The following SIL1 variants were observed in gnomAD, a reference collection of about 807,000 sequenced individuals.
The protein encoded by SIL1 is nucleotide exchange factor SIL1.
Under a neutral mutation model 49.1 loss-of-function variants are expected in SIL1, and 40 were observed. That is an observed-to-expected ratio of 0.81 (90% CI 0.63 to 1.06). The LOEUF (loss-of-function observed/expected upper bound fraction) is 1.06, where lower values mean the gene tolerates loss of function less well. SIL1 is among the 50% of genes least tolerant of loss of function. The pLI is 0.00. For synonymous variants in SIL1, 253 were observed against 250.8 expected, an observed-to-expected ratio of 1.01 and a Z score of -0.08; for missense variants, 500 against 572.6, an observed-to-expected ratio of 0.87 and a Z score of 1.29.
At chr5:139,023,294 T>A (rs895515559) in intron 6 of SIL1, among the ~76,000 whole-genome samples, 1 of 152,062 alleles carries the variant, frequency 6.6e-6, no homozygotes, top group African/African-American at 2.4e-5. Context: ...CATCTCGGTC[T>A]GGGGCCAAAA....
intron 3 of SIL1, among the ~76,000 whole-genome samples, chr5:139,112,736 C>T (rs1359104177): frequency 6.6e-6 from 1 of 151,546 alleles, no homozygotes; most frequent in Non-Finnish European, 1.5e-5. Flanking sequence ...CGCCTCTGCC[C>T]GGCCGCCCCT....
At chr5:139,113,157 T>C (rs11750598) in intron 3 of SIL1, among the ~76,000 whole-genome samples, 38,356 of 151,660 alleles carry the variant, frequency 0.25, 5,817 homozygotes, top group Middle Eastern at 0.38. Context: ...ACACAAACAC[T>C]GCGGAAGGCC....
intron 3 of SIL1, among the ~76,000 whole-genome samples, chr5:139,084,936 T>A (rs1221314361): frequency 6.6e-6 from 1 of 152,224 alleles, no homozygotes; most frequent in Admixed American, 6.5e-5. Flanking sequence ...CACTTATCAC[T>A]AATAATTTTT....
At chr5:139,136,260 A>G (rs1284761987) in intron 1 of SIL1, among the ~76,000 whole-genome samples, 1 of 152,194 alleles carries the variant, frequency 6.6e-6, no homozygotes, top group Non-Finnish European at 1.5e-5. Context: ...ACCTACATAG[A>G]GAACAATTGG....
chr5:139,186,618 T>C (rs1200034963), intron 1 of SIL1, among the ~76,000 whole-genome samples: 1 of 152,202 alleles, frequency 6.6e-6, no homozygotes. Flanking sequence ...CCATTCTCTG[T>C]TGCCTCTCTG....
At chr5:139,090,549 A>G (rs1023016963) in intron 3 of SIL1, among the ~76,000 whole-genome samples, 1 of 152,210 alleles carries the variant, frequency 6.6e-6, no homozygotes, top group Non-Finnish European at 1.5e-5. Context: ...AGAACATTCA[A>G]AAACAGACCC....
chr5:138,991,391 G>T (rs1389873671), intron 7 of SIL1, among the ~76,000 whole-genome samples: 1 of 152,238 alleles, frequency 6.6e-6, no homozygotes, highest in Non-Finnish European at 1.5e-5. Flanking sequence ...CAGTCTTAGA[G>T]ATTTCCCTGA....
chr5:138,965,215 C>T (rs1767111996), intron 7 of SIL1, among the ~76,000 whole-genome samples: 2 of 152,180 alleles, frequency 1.3e-5, no homozygotes, highest in Admixed American at 6.5e-5. Context: ...CAAATCTCAT[C>T]ACAGGCCTGG....
At chr5:139,104,188 C>T (rs374838106) in intron 3 of SIL1, among the ~76,000 whole-genome samples, 18 of 152,212 alleles carry the variant, frequency 1.2e-4, no homozygotes, top group Admixed American at 4.6e-4. Flanking sequence ...CCTTTAAAGA[C>T]GGCAGCACGT....
At chr5:139,112,708 C>G (rs1377839799) in intron 3 of SIL1, among the ~76,000 whole-genome samples, 2 of 150,186 alleles carry the variant, frequency 1.3e-5, no homozygotes, top group African/African-American at 4.9e-5. Flanking sequence ...GCCGCCGCCC[C>G]GTGCGGGAGG....
At chr5:139,188,488 A>AT (rs1561895465) in intron 1 of SIL1, among the ~76,000 whole-genome samples, 1 of 152,076 alleles carries the variant, frequency 6.6e-6, no homozygotes, top group Admixed American at 6.6e-5. Context: ...TAGTGCTTGG[A>AT]TTTTTTTAAA....
intron 7 of SIL1, among the ~76,000 whole-genome samples, chr5:138,981,860 C>T (rs963539528): frequency 6.6e-6 from 1 of 152,074 alleles, no homozygotes; most frequent in African/African-American, 2.4e-5. Context: ...CAGCATTTAT[C>T]ACCACTTGGC....
intron 8 of SIL1, among the ~76,000 whole-genome samples, 194 bp from the exon 9 acceptor site, chr5:138,951,529 A>G (rs142804524): frequency 1.1e-3 from 160 of 152,346 alleles, no homozygotes; most frequent in African/African-American, 3.6e-3. Context: ...CCAAGTGAGT[A>G]AATGGGAGGT....
intron 1 of SIL1, among the ~76,000 whole-genome samples, chr5:139,147,744 T>C (rs12153064): frequency 2.6e-5 from 4 of 152,356 alleles, no homozygotes; most frequent in Admixed American, 2.0e-4. Context: ...CAAGAAGCAA[T>C]ATTAAAAAGC....
At chr5:139,101,888 T>A (rs1770595717) in intron 3 of SIL1, among the ~76,000 whole-genome samples, 1 of 152,190 alleles carries the variant, frequency 6.6e-6, no homozygotes, top group African/African-American at 2.4e-5. Context: ...AGAAGAAGAA[T>A]CCAGGGACCA....
At chr5:139,128,651 C>CA (rs55731110) in intron 1 of SIL1, among the ~76,000 whole-genome samples, 1,436 of 125,928 alleles carry the variant, frequency 0.011, 12 homozygotes, top group Admixed American at 0.015. Flanking sequence ...CCCATCCCTC[C>CA]AAAAAAAAAA....
chr5:138,951,869 C>G lies in SIL1; in HGVS notation c.783G>C (p.Gln261His), dbSNP rs1561802028. The change falls in exon 8 of 10, where the codon CAG becomes CAC. Residue 261 changes from glutamine (Q) to histidine (H), a missense_variant. Gln to His is a conservative substitution (Grantham distance 24). Coordinates refer to ENST00000394817, the MANE Select transcript of SIL1 (RefSeq NM_022464.5). ...GAAFSSNPKV[Q>H]VEAIEGGALQ... ...GGGCTCCCCCTTCGATGGCCTCCAC[C>G]TGGACCTTGGGGTTGCTGGGGAAGA... The G allele has an allele frequency of 6.2e-7, 1 of 1,613,814 alleles. No homozygotes were observed. The highest frequency in any genetic ancestry group is 8.5e-7 in the Non-Finnish European group (1 of 1,180,038).
At chr5:139,111,507 C>T (rs1770836870) in intron 3 of SIL1, among the ~76,000 whole-genome samples, 1 of 152,144 alleles carries the variant, frequency 6.6e-6, no homozygotes, top group Non-Finnish European at 1.5e-5. Context: ...CCTTCAGTGT[C>T]CTCTGCATTC....
intron 1 of SIL1, among the ~76,000 whole-genome samples, chr5:139,139,285 C>T (rs1171749209): frequency 6.6e-6 from 1 of 152,228 alleles, no homozygotes; most frequent in Admixed American, 6.5e-5. Flanking sequence ...TTTCACACCA[C>T]AGTCATCCAG....
Sources: gnomAD v4.1 joint callset for allele counts (sites outside exome capture counted in the v4.1 genomes callset) on GRCh38, gnomAD v4.1.1 for gene constraint, MANE v1.5 for transcripts, NCBI Gene and HGNC (gene_info 2026-07-23, HGNC 2026-07-21) for gene names.